THSD7B: variants seen among roughly 807,000 people sequenced by gnomAD.
The protein encoded by THSD7B is thrombospondin type-1 domain-containing protein 7B.
In THSD7B, 138 loss-of-function variants were observed where a neutral mutation model predicts 213.6. The observed-to-expected ratio is 0.65, with a 90% confidence interval of 0.56 to 0.74. THSD7B has a LOEUF of 0.74. THSD7B is among the 30% of genes least tolerant of loss of function. The probability of loss-of-function intolerance (pLI) is 0.00; values close to 1 mark genes in which losing one functional copy is unlikely to be tolerated. For synonymous variants in THSD7B, 742 were observed against 687.0 expected, an observed-to-expected ratio of 1.08 and a Z score of -1.25; for missense variants, 1,931 against 1,991.5, an observed-to-expected ratio of 0.97 and a Z score of 0.58.
At chr2:137,576,729 A>G (rs1157956632) in intron 17 of THSD7B, among the ~76,000 whole-genome samples, 2 of 152,002 alleles carry the variant, frequency 1.3e-5, no homozygotes, top group Non-Finnish European at 2.9e-5. Context: ...TTTAGAAGAG[A>G]AAGAGAAATG....
chr2:137,365,748 C>T (rs1374042168), intron 12 of THSD7B, among the ~76,000 whole-genome samples: 1 of 152,172 alleles, frequency 6.6e-6, no homozygotes, highest in African/African-American at 2.4e-5. Flanking sequence ...ACAACAGATG[C>T]TGGAGAGGAT....
intron 10 of THSD7B, among the ~76,000 whole-genome samples, chr2:137,271,056 A>G (rs538726939): frequency 3.9e-5 from 6 of 152,116 alleles, no homozygotes; most frequent in East Asian, 1.9e-4. Flanking sequence ...TTAAATGCAT[A>G]TATAATTTTA....
intron 2 of THSD7B, among the ~76,000 whole-genome samples, chr2:136,982,670 T>C (rs1328573582): frequency 6.6e-6 from 1 of 152,096 alleles, no homozygotes; most frequent in Non-Finnish European, 1.5e-5. Flanking sequence ...AAAAATCCTT[T>C]TCAGGATTTA....
chr2:137,436,285 C>A (rs962821728), intron 14 of THSD7B, among the ~76,000 whole-genome samples: 52 of 152,206 alleles, frequency 3.4e-4, no homozygotes, highest in African/African-American at 1.2e-3. Flanking sequence ...TCTCTAAGTG[C>A]TCTCTTTATT....
chr2:136,985,593 A>G (rs903916421), intron 2 of THSD7B, among the ~76,000 whole-genome samples: 2 of 152,252 alleles, frequency 1.3e-5, no homozygotes, highest in African/African-American at 4.8e-5. Flanking sequence ...GTGCCCAGGC[A>G]GAAACCTGCC....
At chr2:137,160,584 C>A (rs907634883) in intron 6 of THSD7B, among the ~76,000 whole-genome samples, 1 of 152,130 alleles carries the variant, frequency 6.6e-6, no homozygotes, top group Non-Finnish European at 1.5e-5. Context: ...AGACTCATAG[C>A]TGACTACTAC....
chr2:137,541,704 A>G (rs1347918716), intron 15 of THSD7B, among the ~76,000 whole-genome samples: 1 of 151,776 alleles, frequency 6.6e-6, no homozygotes, highest in Non-Finnish European at 1.5e-5. Flanking sequence ...AGAAAACCAT[A>G]TCTAAAGAAC....
At chr2:137,054,063 C>G (rs890573074) in intron 2 of THSD7B, among the ~76,000 whole-genome samples, 3 of 152,176 alleles carry the variant, frequency 2.0e-5, no homozygotes, top group Non-Finnish European at 4.4e-5. Flanking sequence ...CTCCCAATCA[C>G]TTTCAAGTAA....
At chr2:137,234,559 GA>G (rs1441199046) in intron 9 of THSD7B, among the ~76,000 whole-genome samples, 1 of 152,162 alleles carries the variant, frequency 6.6e-6, no homozygotes, top group African/African-American at 2.4e-5. Flanking sequence ...ACTGTGACTT[GA>G]AGGGAAGCAT....
chr2:137,279,479 G>A (rs1258439348), intron 12 of THSD7B, among the ~76,000 whole-genome samples: 2 of 152,102 alleles, frequency 1.3e-5, no homozygotes, highest in Non-Finnish European at 2.9e-5. Flanking sequence ...GGAGGCTGAG[G>A]CTACAGTGAG....
chr2:137,035,155 C>T (rs10182444), intron 2 of THSD7B, among the ~76,000 whole-genome samples: 3 of 151,956 alleles, frequency 2.0e-5, no homozygotes, highest in Middle Eastern at 3.2e-3. Context: ...TATCGTTTCC[C>T]TTTTTTTGGA....
At chr2:137,533,143 A>T (rs1680431592) in intron 15 of THSD7B, among the ~76,000 whole-genome samples, 1 of 151,778 alleles carries the variant, frequency 6.6e-6, no homozygotes, top group Non-Finnish European at 1.5e-5. Context: ...ATTTGTTTTC[A>T]TTTAAATCAC....
intron 12 of THSD7B, among the ~76,000 whole-genome samples, chr2:137,284,914 G>T (rs1043029938): frequency 1.3e-5 from 2 of 152,092 alleles, no homozygotes; most frequent in Non-Finnish European, 2.9e-5. Flanking sequence ...TGTCTATTAG[G>T]TCCACTTTGT....
chr2:136,840,701 G>A (rs1340002460), intron 1 of THSD7B, among the ~76,000 whole-genome samples: 2 of 152,162 alleles, frequency 1.3e-5, no homozygotes, highest in Non-Finnish European at 2.9e-5. Flanking sequence ...TGGAGAATTT[G>A]AAACACAGGA....
chr2:136,837,183 TC>T (rs1682856984), intron 1 of THSD7B, among the ~76,000 whole-genome samples: 1 of 152,196 alleles, frequency 6.6e-6, no homozygotes, highest in East Asian at 1.9e-4. Flanking sequence ...CTTCTTGTCA[TC>T]CCCTGTCTTC....
Position 137,389,946 on chromosome 2 carries a change from A to G in THSD7B, c.2501-15667A>G, listed in dbSNP as rs74586874. ...AGTGTGTGTTTCTGTTTTTATACCA[A>G]TGAGATGATGTTTGGGGTTTTGAAG... On this transcript the variant is annotated intron_variant, in intron 12 of 27. Coordinates refer to ENST00000409968, the MANE Select transcript of THSD7B (RefSeq NM_001316349.2). Among the ~76,000 whole-genome samples the G allele has an allele frequency of 1.3e-3, 198 of 152,164 alleles. 1 individual carries two copies. The highest frequency in any genetic ancestry group is 6.8e-3 in the Middle Eastern group (2 of 294).
At chr2:137,599,257 C>T (rs374912675) in intron 17 of THSD7B, among the ~76,000 whole-genome samples, 9,289 of 151,630 alleles carry the variant, frequency 0.061, 408 homozygotes, top group South Asian at 0.17. Context: ...TGTATATGTG[C>T]CACATTTTCT....
At chr2:137,040,675 G>A (rs1406838384) in intron 2 of THSD7B, among the ~76,000 whole-genome samples, 1 of 152,110 alleles carries the variant, frequency 6.6e-6, no homozygotes, top group African/African-American at 2.4e-5. Flanking sequence ...TTACAGGAAT[G>A]AGCCACCGCG....
intron 15 of THSD7B, among the ~76,000 whole-genome samples, chr2:137,541,345 A>G (rs1473585888): frequency 6.6e-6 from 1 of 151,770 alleles, no homozygotes; most frequent in East Asian, 1.9e-4. Flanking sequence ...AGCAGTCACT[A>G]GAAACTGTCT....
Sources: gnomAD v4.1 joint callset for allele counts (sites outside exome capture counted in the v4.1 genomes callset) on GRCh38, gnomAD v4.1.1 for gene constraint, MANE v1.5 for transcripts, NCBI Gene and HGNC (gene_info 2026-07-23, HGNC 2026-07-21) for gene names.